SYT1: variants seen among roughly 807,000 people sequenced by gnomAD.
SYT1 encodes synaptotagmin 1.
SYT1 carries 8 observed loss-of-function variants against 44.8 expected under a neutral mutation model. The observed-to-expected ratio is 0.18, with a 90% confidence interval of 0.10 to 0.32. SYT1 has a LOEUF of 0.32. Among genes scored for constraint, SYT1 ranks in the 10% least tolerant of loss-of-function variants. The probability of loss-of-function intolerance (pLI) is 1.00; values close to 1 mark genes in which losing one functional copy is unlikely to be tolerated. For synonymous variants in SYT1, 154 were observed against 188.8 expected (o/e 0.82, Z 1.51); for missense variants, 286 against 509.3 (o/e 0.56, Z 4.22).
intron 3 of SYT1, among the ~76,000 whole-genome samples, chr12:79,172,970 A>AAAAAAC (rs1871627646): frequency 2.0e-5 from 1 of 49,672 alleles, no homozygotes; most frequent in Non-Finnish European, 4.1e-5. Context: ...TCCTGCTCTC[A>AAAAAAC]AAAAAAAAAA....
intron 8 of SYT1, among the ~76,000 whole-genome samples, chr12:79,299,873 G>A (rs1880051070): frequency 6.6e-6 from 1 of 152,100 alleles, no homozygotes; most frequent in Admixed American, 6.5e-5. Flanking sequence ...GCTTTAAAAT[G>A]ACAACGAAAA....
chr12:79,023,000 A>G (rs1033231800), intron 2 of SYT1, among the ~76,000 whole-genome samples: 1 of 151,800 alleles, frequency 6.6e-6, no homozygotes, highest in African/African-American at 2.4e-5. Flanking sequence ...TAAATCAGTA[A>G]TTATTGTTCT....
At chr12:79,106,560 T>G (rs1878731927) in intron 3 of SYT1, among the ~76,000 whole-genome samples, 1 of 152,024 alleles carries the variant, frequency 6.6e-6, no homozygotes, top group Non-Finnish European at 1.5e-5. Flanking sequence ...TCTGTGTGTT[T>G]TTCCTGTATA....
intron 2 of SYT1, among the ~76,000 whole-genome samples, chr12:79,026,152 T>C (rs1315848460): frequency 6.6e-6 from 1 of 151,730 alleles, no homozygotes; most frequent in Non-Finnish European, 1.5e-5. Flanking sequence ...CACTTCCTTT[T>C]ATAATTCTAA....
At chr12:78,999,451 T>C (rs533993956) in intron 2 of SYT1, among the ~76,000 whole-genome samples, 1 of 152,332 alleles carries the variant, frequency 6.6e-6, no homozygotes, top group South Asian at 2.1e-4. Flanking sequence ...ATAACCATGA[T>C]GTAAACGGTT....
chr12:79,208,482 A>G (rs796421730), intron 3 of SYT1, among the ~76,000 whole-genome samples: 39 of 152,328 alleles, frequency 2.6e-4, no homozygotes, highest in African/African-American at 8.9e-4. Context: ...AAGAAAAGAA[A>G]AAGTTAAGAC....
At chr12:79,241,372 G>A (rs919634732) in intron 4 of SYT1, among the ~76,000 whole-genome samples, 2 of 151,950 alleles carry the variant, frequency 1.3e-5, no homozygotes, top group Admixed American at 6.6e-5. Flanking sequence ...CCGGATTCAC[G>A]TGATTCTCCT....
intron 7 of SYT1, among the ~76,000 whole-genome samples, chr12:79,296,992 A>C (rs1393204667): frequency 6.6e-6 from 1 of 152,244 alleles, no homozygotes; most frequent in Non-Finnish European, 1.5e-5. Context: ...ATGTTTCTGA[A>C]AAATGAAATA....
chr12:79,177,712 T>C (rs1446529796), intron 3 of SYT1, among the ~76,000 whole-genome samples: 1 of 127,530 alleles, frequency 7.8e-6, no homozygotes, highest in Admixed American at 8.6e-5. Context: ...GCACCTGTTG[T>C]TCCCTGACTT....
chr12:79,252,230 C>T (rs1877259334), intron 4 of SYT1, among the ~76,000 whole-genome samples: 1 of 152,010 alleles, frequency 6.6e-6, no homozygotes, highest in Non-Finnish European at 1.5e-5. Context: ...ATGGTACTCA[C>T]ATTATAAGAT....
intron 9 of SYT1, among the ~76,000 whole-genome samples, chr12:79,380,409 A>G (rs1884168572): frequency 1.3e-5 from 2 of 152,210 alleles, no homozygotes; most frequent in Non-Finnish European, 1.5e-5. Flanking sequence ...TATTTATTTT[A>G]GAGACAGAAC....
chr12:79,180,732 A>G (rs946228831), intron 3 of SYT1, among the ~76,000 whole-genome samples: 3 of 152,076 alleles, frequency 2.0e-5, no homozygotes, highest in Non-Finnish European at 4.4e-5. Flanking sequence ...TATCAAGAGA[A>G]TGGTGCTAAA....
chr12:78,974,021 G>A (rs1868630389), intron 1 of SYT1, among the ~76,000 whole-genome samples: 1 of 125,938 alleles, frequency 7.9e-6, no homozygotes, highest in East Asian at 2.5e-4. Flanking sequence ...GATATGTTGT[G>A]AGAAATGCAT....
intron 2 of SYT1, among the ~76,000 whole-genome samples, chr12:79,016,297 A>G (rs1034551118): frequency 1.3e-5 from 2 of 152,160 alleles, no homozygotes; most frequent in Admixed American, 6.6e-5. Flanking sequence ...TGGCTCTTCA[A>G]TGCTCTGATA....
intron 3 of SYT1, among the ~76,000 whole-genome samples, chr12:79,120,804 T>G (rs1879553271): frequency 6.6e-6 from 1 of 152,122 alleles, no homozygotes; most frequent in East Asian, 1.9e-4. Flanking sequence ...TTCCCTGCTT[T>G]ACAGCTGAAA....
chr12:79,320,978 A>G (rs1029621866), intron 8 of SYT1, among the ~76,000 whole-genome samples: 46 of 151,348 alleles, frequency 3.0e-4, no homozygotes, highest in African/African-American at 9.9e-4. Context: ...CCCAAACCCA[A>G]CCCATTCTAC....
chr12:78,920,513 A>G (rs985425421), intron 1 of SYT1, among the ~76,000 whole-genome samples: 3 of 152,002 alleles, frequency 2.0e-5, no homozygotes, highest in Admixed American at 6.6e-5. Context: ...TTTAATTCAC[A>G]TGTTTTAATT....
At chr12:79,333,468 C>T (rs990302167) in intron 8 of SYT1, among the ~76,000 whole-genome samples, 2 of 152,164 alleles carry the variant, frequency 1.3e-5, no homozygotes, top group South Asian at 4.1e-4. Flanking sequence ...ATTCACAGCA[C>T]AGTGTACCTA....
At chr12:78,880,093 T>A (rs1364165040) in intron 1 of SYT1, among the ~76,000 whole-genome samples, 1 of 151,750 alleles carries the variant, frequency 6.6e-6, no homozygotes, top group Non-Finnish European at 1.5e-5. Flanking sequence ...TCATTATATA[T>A]GATTATGTAT....
Sources: allele counts gnomAD v4.1 joint callset (sites outside exome capture counted in the v4.1 genomes callset), GRCh38; gene constraint gnomAD v4.1.1; transcripts MANE v1.5; gene names NCBI Gene and HGNC (gene_info 2026-07-23, HGNC 2026-07-21).